Variants in AKAP19 observed in about 807,000 individuals in gnomAD.
AKAP19 encodes the protein A-kinase anchoring protein 19, also known as small A-kinase anchoring protein.
At chr2:189,976,841 G>T in the AKAP19 span, among the ~76,000 whole-genome samples, 1 of 152,194 alleles carries the variant, frequency 6.6e-6, no homozygotes. Flanking sequence ...CAGTATTAGG[G>T]TGGGAGTGAC....
the AKAP19 span, among the ~76,000 whole-genome samples, chr2:189,919,545 C>A: frequency 2.6e-5 from 4 of 151,940 alleles, no homozygotes; most frequent in Non-Finnish European, 5.9e-5. Flanking sequence ...CTCCCCTTAC[C>A]CCCACTCCCC....
the AKAP19 span, among the ~76,000 whole-genome samples, chr2:190,113,417 A>T: frequency 1.3e-5 from 2 of 152,202 alleles, no homozygotes; most frequent in African/African-American, 4.8e-5. Flanking sequence ...TAACAGTATG[A>T]TCAGTTGAGC....
chr2:189,932,181 C>T, the AKAP19 span, among the ~76,000 whole-genome samples: 6 of 151,842 alleles, frequency 4.0e-5, no homozygotes, highest in South Asian at 2.1e-4. Flanking sequence ...GACAAATGGT[C>T]GTTAAAAAGT....
the AKAP19 span, among the ~76,000 whole-genome samples, chr2:189,910,616 A>C: frequency 6.6e-6 from 1 of 151,746 alleles, no homozygotes; most frequent in Non-Finnish European, 1.5e-5. Context: ...CTCTCCCCCC[A>C]CCACCATCTC....
At chr2:190,098,586 T>G in the AKAP19 span, among the ~76,000 whole-genome samples, 2 of 152,186 alleles carry the variant, frequency 1.3e-5, no homozygotes, top group Non-Finnish European at 2.9e-5. Context: ...CCTAGGATTT[T>G]CAGAATGTCA....
At chr2:190,063,951 CT>C in the AKAP19 span, among the ~76,000 whole-genome samples, 1 of 152,090 alleles carries the variant, frequency 6.6e-6, no homozygotes, top group African/African-American at 2.4e-5. Flanking sequence ...AAGGAGATTT[CT>C]TTTTCCTACT....
the AKAP19 span, among the ~76,000 whole-genome samples, chr2:189,925,393 G>A: frequency 1.7e-4 from 26 of 152,098 alleles, no homozygotes; most frequent in Admixed American, 1.7e-3. Flanking sequence ...CTTAGATGGA[G>A]GTAATGATGA....
the AKAP19 span, among the ~76,000 whole-genome samples, chr2:190,182,980 C>A: frequency 6.6e-6 from 1 of 152,204 alleles, no homozygotes; most frequent in Non-Finnish European, 1.5e-5. Flanking sequence ...GTTAATTCTA[C>A]TTTTCAGTTT....
the AKAP19 span, among the ~76,000 whole-genome samples, chr2:190,153,085 CG>C: frequency 6.6e-6 from 1 of 152,026 alleles, no homozygotes; most frequent in African/African-American, 2.4e-5. Context: ...TTAGTAGAAA[CG>C]GGGTTTCACC....
the AKAP19 span, among the ~76,000 whole-genome samples, chr2:190,124,153 T>C: frequency 6.6e-6 from 1 of 152,248 alleles, no homozygotes; most frequent in South Asian, 2.1e-4. Flanking sequence ...TGGCCTGTCA[T>C]GGGACTTCTC....
At chr2:190,195,589 C>A in the AKAP19 span, among the ~76,000 whole-genome samples, 4 of 152,146 alleles carry the variant, frequency 2.6e-5, no homozygotes. Context: ...AGATCTTTTG[C>A]CCATTTTTCA....
chr2:190,126,294 A>AAAAAAAAAAAAAAAAAAAAAC, the AKAP19 span, among the ~76,000 whole-genome samples: 1 of 62,694 alleles, frequency 1.6e-5, no homozygotes, highest in Non-Finnish European at 3.4e-5. Flanking sequence ...CATCTCAAAA[A>AAAAAAAAAAAAAAAAAAAAAC]AAAAAAAAAA....
the AKAP19 span, among the ~76,000 whole-genome samples, chr2:189,950,180 A>G: frequency 1.3e-5 from 2 of 151,516 alleles, no homozygotes; most frequent in South Asian, 4.2e-4. Flanking sequence ...GGTGCCTGCC[A>G]TGATGCCCGG....
chr2:190,073,213 T>A, the AKAP19 span, among the ~76,000 whole-genome samples: 1 of 152,148 alleles, frequency 6.6e-6, no homozygotes, highest in African/African-American at 2.4e-5. Context: ...CTGGAAGACC[T>A]GTATGAAATG....
At chr2:190,004,578 TTTTTA>T in the AKAP19 span, among the ~76,000 whole-genome samples, 2 of 143,204 alleles carry the variant, frequency 1.4e-5, no homozygotes, top group Admixed American at 6.8e-5. Context: ...CTTATAAACC[TTTTTA>T]TTTTTTTTTT....
At chr2:190,199,738 TA>T in the AKAP19 span, 1 of 1,501,148 alleles carries the variant, frequency 6.7e-7, no homozygotes, top group South Asian at 1.4e-5. Context: ...GAACATTGAT[TA>T]CTGAAGTGCC....
the AKAP19 span, among the ~76,000 whole-genome samples, chr2:190,045,329 C>T: frequency 6.6e-6 from 1 of 152,192 alleles, no homozygotes; most frequent in African/African-American, 2.4e-5. Flanking sequence ...TCAGCTAAGT[C>T]ACCCAAACAG....
At chr2:189,999,152 C>A in the AKAP19 span, among the ~76,000 whole-genome samples, 1 of 151,412 alleles carries the variant, frequency 6.6e-6, no homozygotes, top group Non-Finnish European at 1.5e-5. Context: ...CTTATTTTTC[C>A]AGTTTTTTTT....
the AKAP19 span, among the ~76,000 whole-genome samples, chr2:190,154,573 G>C: frequency 8.5e-5 from 13 of 152,248 alleles, no homozygotes; most frequent in Non-Finnish European, 1.2e-4. Flanking sequence ...CACTGCCTGT[G>C]CTTTATTTTA....
Sources: allele counts gnomAD v4.1 joint callset (sites outside exome capture counted in the v4.1 genomes callset), GRCh38; gene constraint gnomAD v4.1.1; transcripts MANE v1.5; gene names NCBI Gene and HGNC (gene_info 2026-07-23, HGNC 2026-07-21).